Variants in ZCCHC7 observed in about 807,000 individuals in gnomAD.
ZCCHC7 encodes the protein zinc finger CCHC-type containing 7.
A neutral mutation model predicts 52.0 loss-of-function variants in ZCCHC7; 35 were observed. The observed-to-expected ratio is 0.67, with a 90% CI of 0.51 to 0.89. ZCCHC7 has a LOEUF of 0.89. ZCCHC7 is among the 40% of genes least tolerant of loss of function. ZCCHC7 has a pLI of 0.00. For synonymous variants in ZCCHC7, 217 were observed against 221.5 expected, an observed-to-expected ratio of 0.98 and a Z score of 0.18; for missense variants, 574 against 649.1, an observed-to-expected ratio of 0.88 and a Z score of 1.26.
At chr9:37,198,441 C>T (rs1823401381) in intron 2 of ZCCHC7, among the ~76,000 whole-genome samples, 1 of 152,180 alleles carries the variant, frequency 6.6e-6, no homozygotes, top group Admixed American at 6.5e-5. Flanking sequence ...TTTGTCCAGC[C>T]GATCACATCT....
At chr9:37,249,834 T>C (rs10973265) in intron 2 of ZCCHC7, among the ~76,000 whole-genome samples, 20,740 of 152,190 alleles carry the variant, frequency 0.14, 1,728 homozygotes, top group Non-Finnish European at 0.17. Flanking sequence ...ACTGCTTTGT[T>C]TCTCTGTAGG....
At chr9:37,168,994 G>A (rs1324692844) in intron 2 of ZCCHC7, among the ~76,000 whole-genome samples, 1 of 151,964 alleles carries the variant, frequency 6.6e-6, no homozygotes, top group Admixed American at 6.6e-5. Context: ...CCTACATCCC[G>A]AGACATTCTA....
chr9:37,187,013 G>T (rs967104533), intron 2 of ZCCHC7: 25 of 222,918 alleles, frequency 1.1e-4, no homozygotes, highest in African/African-American at 5.4e-4. Context: ...CTTCTTCACT[G>T]CTTTTTTCTT....
chr9:37,349,479 A>G (rs370522978), intron 7 of ZCCHC7, 27 bp downstream of exon 7: 1 of 1,603,094 alleles, frequency 6.2e-7, no homozygotes, highest in Non-Finnish European at 8.5e-7. Flanking sequence ...TTTGGGCATG[A>G]AGCATTCTGT....
chr9:37,170,484 AG>A (rs1467122053), intron 2 of ZCCHC7, among the ~76,000 whole-genome samples: 1 of 152,216 alleles, frequency 6.6e-6, no homozygotes, highest in East Asian at 1.9e-4. Flanking sequence ...AGGATAACTA[AG>A]ACAGGATCAG....
At chr9:37,211,218 AAGAC>A (rs1588487757) in intron 2 of ZCCHC7, among the ~76,000 whole-genome samples, 1 of 152,258 alleles carries the variant, frequency 6.6e-6, no homozygotes, top group South Asian at 2.1e-4. Flanking sequence ...ACGATGGAGA[AAGAC>A]AGATTTTTAC....
intron 5 of ZCCHC7, chr9:37,327,127 T>A (rs1830276109): frequency 6.6e-6 from 1 of 152,122 alleles, no homozygotes; most frequent in South Asian, 2.1e-4. Flanking sequence ...GCTTGTTTGG[T>A]TGGTTCTTTT....
At chr9:37,224,587 T>C (rs1424294661) in intron 2 of ZCCHC7, among the ~76,000 whole-genome samples, 1 of 152,182 alleles carries the variant, frequency 6.6e-6, no homozygotes, top group Admixed American at 6.5e-5. Flanking sequence ...CTGTAGCTCT[T>C]CCCACCTTAT....
intron 2 of ZCCHC7, among the ~76,000 whole-genome samples, chr9:37,209,388 G>A (rs1824091664): frequency 6.6e-6 from 1 of 151,904 alleles, no homozygotes; most frequent in African/African-American, 2.4e-5. Context: ...AGCTTTTGCA[G>A]GTATCGTGCC....
intron 2 of ZCCHC7, among the ~76,000 whole-genome samples, chr9:37,241,736 T>G (rs1235161899): frequency 6.6e-6 from 1 of 151,788 alleles, no homozygotes; most frequent in East Asian, 1.9e-4. Context: ...TAGTATAGCT[T>G]TCCTGAGTGC....
chr9:37,183,850 C>T (rs573646993), intron 2 of ZCCHC7, among the ~76,000 whole-genome samples: 1 of 152,232 alleles, frequency 6.6e-6, no homozygotes, highest in South Asian at 2.1e-4. Flanking sequence ...AACCCAACTC[C>T]TCTTGCTCCA....
chr9:37,224,243 A>G (rs1824979116), intron 2 of ZCCHC7, among the ~76,000 whole-genome samples: 2 of 152,172 alleles, frequency 1.3e-5, no homozygotes, highest in Admixed American at 6.5e-5. Context: ...ATGAAAAATT[A>G]TCCAAAGACA....
At chr9:37,139,336 G>A (rs543090493) in intron 2 of ZCCHC7, among the ~76,000 whole-genome samples, 3 of 151,984 alleles carry the variant, frequency 2.0e-5, no homozygotes, top group Non-Finnish European at 4.4e-5. Context: ...CATCCACCAT[G>A]TATTATGTCA....
In ZCCHC7 at chr9:37,323,884, A is replaced by G. The variant is rs891123275; in HGVS notation, c.952-3915A>G. Among the ~76,000 whole-genome samples the G allele has an allele frequency of 1.2e-4, 19 of 152,318 alleles. No homozygotes were observed. The East Asian group carries it at 1.7e-3, about 14-fold the overall frequency. ...TGATTACCAAAGTATCGGGACAATC[A>G]GATGACTTGGTAGCTATAAGTCTAT... is the stretch of plus-strand genomic sequence containing the variant. On this transcript the variant is annotated intron_variant, in intron 5 of 8. Transcript: ENST00000336755.
At chr9:37,246,225 T>C (rs1826075364) in intron 2 of ZCCHC7, among the ~76,000 whole-genome samples, 1 of 152,132 alleles carries the variant, frequency 6.6e-6, no homozygotes, top group African/African-American at 2.4e-5. Context: ...AGTTTGTTTT[T>C]AACATTTGAT....
rs532947319 is a variant in ZCCHC7, at chr9:37,299,590, G to C, written c.611-2598G>C. Among the ~76,000 whole-genome samples, 82 of 152,286 alleles carry C rather than the reference G, an allele frequency of 5.4e-4. 1 individual carries two copies. Among genetic ancestry groups the C allele is most frequent in the Non-Finnish European group, 1.0e-3 (71 of 68,018 alleles). On this transcript the variant is annotated intron_variant, in intron 2 of 8. Coordinates refer to ENST00000336755, the MANE Select transcript of ZCCHC7 (RefSeq NM_032226.3). ...AGTTGCCCTAGACAAAGCTTTCCTTGGGGTGAGATTTTGAGTTTAGACACA... is the reference window on the plus strand; with the variant it reads ...AGTTGCCCTAGACAAAGCTTTCCTTCGGGTGAGATTTTGAGTTTAGACACA...
chr9:37,330,077 A>G (rs1246707870), intron 6 of ZCCHC7, among the ~76,000 whole-genome samples: 1 of 151,732 alleles, frequency 6.6e-6, no homozygotes, highest in Non-Finnish European at 1.5e-5. Flanking sequence ...GAACGACTTA[A>G]ATTTTAACAG....
At chr9:37,216,076 C>T (rs1824486849) in intron 2 of ZCCHC7, among the ~76,000 whole-genome samples, 1 of 152,156 alleles carries the variant, frequency 6.6e-6, no homozygotes, top group Non-Finnish European at 1.5e-5. Context: ...GAGAATATTA[C>T]TTGATCATAG....
intron 6 of ZCCHC7, among the ~76,000 whole-genome samples, chr9:37,330,911 A>G (rs527255873): frequency 7.9e-5 from 12 of 151,756 alleles, no homozygotes; most frequent in Non-Finnish European, 1.5e-4. Flanking sequence ...CTATGATTTG[A>G]CATGAGTTGG....
Sources: gnomAD v4.1 joint callset for allele counts (sites outside exome capture counted in the v4.1 genomes callset) on GRCh38, gnomAD v4.1.1 for gene constraint, MANE v1.5 for transcripts, NCBI Gene and HGNC (gene_info 2026-07-23, HGNC 2026-07-21) for gene names.